The following MED12L variants were observed in gnomAD, a reference collection of about 807,000 sequenced individuals.
The protein encoded by MED12L is mediator of RNA polymerase II transcription subunit 12-like protein.
In MED12L, 60 loss-of-function variants were observed where a neutral mutation model predicts 281.3. The observed-to-expected ratio is 0.21, with a 90% CI of 0.17 to 0.26. The LOEUF is 0.26. Ranked by LOEUF, MED12L falls within the 10% of genes least tolerant of loss-of-function variation. The probability of loss-of-function intolerance (pLI) is 1.00; values close to 1 mark genes in which losing one functional copy is unlikely to be tolerated. For synonymous variants in MED12L, 974 were observed against 987.2 expected, an observed-to-expected ratio of 0.99 and a Z score of 0.25; for missense variants, 2,146 against 2,680.9, an observed-to-expected ratio of 0.80 and a Z score of 4.41.
At chr3:151,197,822 A>T (rs1351713861) in intron 16 of MED12L, 2 of 152,804 alleles carry the variant, frequency 1.3e-5, no homozygotes, top group African/African-American at 2.4e-5. Flanking sequence ...ATAATACATT[A>T]AAGATTGTCT....
At chr3:151,212,180 C>T (rs375939015) in intron 16 of MED12L, 12 of 152,226 alleles carry the variant, frequency 7.9e-5, no homozygotes, top group African/African-American at 2.6e-4. Flanking sequence ...ACAAACATTA[C>T]TTATAAAAAT....
intron 16 of MED12L, among the ~76,000 whole-genome samples, chr3:151,200,144 C>A (rs1310445206): frequency 6.7e-6 from 1 of 149,806 alleles, no homozygotes; most frequent in Non-Finnish European, 1.5e-5. Context: ...CAGTTAAAAG[C>A]CCAGAAGCAT....
intron 25 of MED12L, among the ~76,000 whole-genome samples, chr3:151,368,737 TTCATTTCATTTCATG>T: frequency 1.3e-5 from 1 of 77,204 alleles, no homozygotes; most frequent in Non-Finnish European, 2.7e-5. Context: ...TTCATTTCAT[TTCATTTCATTTCATG>T]TCATTTCATT....
chr3:151,428,031 A>G (rs1024744789), intron 43 of MED12L, among the ~76,000 whole-genome samples: 2 of 152,190 alleles, frequency 1.3e-5, no homozygotes, highest in African/African-American at 4.8e-5. Context: ...CATTTATCCT[A>G]CCTGATATAA....
chr3:151,198,197 CT>C, intron 16 of MED12L: 1 of 386,258 alleles, frequency 2.6e-6, no homozygotes, highest in Admixed American at 4.1e-5. Context: ...CAATGAGACT[CT>C]TTAGTTTTTT....
At chr3:151,353,140 G>A (rs971582174) in intron 17 of MED12L, among the ~76,000 whole-genome samples, 2 of 152,132 alleles carry the variant, frequency 1.3e-5, no homozygotes, top group African/African-American at 4.8e-5. Context: ...ATAAAAAGGT[G>A]CACTTGGGAG....
At chr3:151,308,205 C>T (rs953111498) in intron 16 of MED12L, among the ~76,000 whole-genome samples, 2 of 151,946 alleles carry the variant, frequency 1.3e-5, no homozygotes, top group African/African-American at 4.8e-5. Context: ...TAAAAATACA[C>T]TTTTTAACTC....
chr3:151,329,144 T>A, intron 16 of MED12L: 1 of 659,794 alleles, frequency 1.5e-6, no homozygotes, highest in Non-Finnish European at 2.5e-6. Context: ...TCAATAGATG[T>A]GTTGAAAAGG....
rs755768423 is a variant in MED12L at position 151,086,956 on chromosome 3, G to A, written c.30G>A (p.Glu10=). 6.2e-7 allele frequency: 1 copy of A among 1,608,794 alleles called. No individual in the cohort carries two copies. The highest frequency in any genetic ancestry group is 1.3e-5 in the African/African-American group (1 of 74,968). Reference sequence around the variant, plus strand: ...CCGCCTTCGGGCTTCTCAGCTATGAGCAGAGACCGCTGAAGCGCCCCCGGC... The same window carrying A: ...CCGCCTTCGGGCTTCTCAGCTATGAACAGAGACCGCTGAAGCGCCCCCGGC... MAAFGLLSY[E]QRPLKRPRLG... The change falls in exon 2 of 45, where the codon GAG becomes GAA. Residue 10 remains glutamate, a synonymous_variant. Transcript: ENST00000687756.
intron 39 of MED12L, among the ~76,000 whole-genome samples, chr3:151,395,505 A>G (rs1042967427): frequency 3.3e-5 from 5 of 150,670 alleles, no homozygotes; most frequent in African/African-American, 1.3e-4. Context: ...ACTTAGTATA[A>G]ACTCATGAAA....
intron 43 of MED12L, among the ~76,000 whole-genome samples, chr3:151,417,891 A>G (rs578116632): frequency 1.3e-5 from 2 of 152,346 alleles, no homozygotes; most frequent in East Asian, 3.9e-4. Context: ...TTCTTAAAGT[A>G]GAGGTAGTAT....
intron 5 of MED12L, among the ~76,000 whole-genome samples, chr3:151,153,902 C>T (rs1201411473): frequency 6.6e-6 from 1 of 151,982 alleles, no homozygotes; most frequent in Non-Finnish European, 1.5e-5. Context: ...AAACTGGGGC[C>T]TCACTCCAGA....
rs1392871159 is a variant in MED12L at position 151,284,406 on chromosome 3, G to A, written c.2251-65653G>A. Among the ~76,000 whole-genome samples, 6 of 152,140 alleles carry A rather than the reference G, an allele frequency of 3.9e-5. No individual in the cohort carries two copies. The South Asian group carries it at 1.0e-3, about 26-fold the overall frequency. On this transcript the variant is annotated intron_variant, in intron 16 of 44. Transcript: ENST00000687756. Reference sequence around the variant, plus strand: ...TTTAGTTCTGGGTTGTGGGAGGGTTGTGTGGTTATCTTGGTAATTTAATTT... The same window carrying A: ...TTTAGTTCTGGGTTGTGGGAGGGTTATGTGGTTATCTTGGTAATTTAATTT...
At chr3:151,338,356 T>C in intron 16 of MED12L, 1 of 1,614,176 alleles carries the variant, frequency 6.2e-7, no homozygotes, top group South Asian at 1.1e-5. Flanking sequence ...GGCTGCCTGT[T>C]GGTCAGAATC....
intron 2 of MED12L, among the ~76,000 whole-genome samples, chr3:151,092,466 T>A (rs899568769): frequency 1.3e-5 from 2 of 152,226 alleles, no homozygotes; most frequent in African/African-American, 2.4e-5. Context: ...AAATACTTCA[T>A]GAAGAAATTA....
intron 2 of MED12L, among the ~76,000 whole-genome samples, chr3:151,093,988 G>T (rs1358651640): frequency 6.6e-6 from 1 of 152,218 alleles, no homozygotes; most frequent in Admixed American, 6.5e-5. Flanking sequence ...GATCTGGAGA[G>T]TAAACTGCAC....
intron 16 of MED12L, among the ~76,000 whole-genome samples, chr3:151,230,352 G>T (rs1179680313): frequency 6.6e-6 from 1 of 152,208 alleles, no homozygotes; most frequent in Non-Finnish European, 1.5e-5. Flanking sequence ...AATTTCAATA[G>T]AAGTCAGTCA....
At chr3:151,311,371 A>G (rs1179840497) in intron 16 of MED12L, among the ~76,000 whole-genome samples, 2 of 151,972 alleles carry the variant, frequency 1.3e-5, no homozygotes, top group African/African-American at 2.4e-5. Flanking sequence ...TACATTATGA[A>G]ATTAGAATGA....
intron 16 of MED12L, among the ~76,000 whole-genome samples, chr3:151,302,991 A>C (rs186912796): frequency 6.6e-6 from 1 of 152,202 alleles, no homozygotes; most frequent in African/African-American, 2.4e-5. Flanking sequence ...CATGACAACT[A>C]TGATGCCCAG....
Sources: allele counts gnomAD v4.1 joint callset (sites outside exome capture counted in the v4.1 genomes callset), GRCh38; gene constraint gnomAD v4.1.1; transcripts MANE v1.5; gene names NCBI Gene and HGNC (gene_info 2026-07-23, HGNC 2026-07-21).